RANBP2: variants seen among roughly 807,000 people sequenced by gnomAD.
RANBP2 encodes the protein E3 SUMO-protein ligase RanBP2.
RANBP2 carries 57 observed loss-of-function variants against 303.6 expected under a neutral mutation model. The observed-to-expected ratio is 0.19, with a 90% confidence interval of 0.15 to 0.23. The LOEUF (loss-of-function observed/expected upper bound fraction) is 0.23. Among genes scored for constraint, RANBP2 ranks in the 10% least tolerant of loss-of-function variants. The pLI, the probability that RANBP2 is intolerant of heterozygous loss-of-function variation, is 1.00. For missense variants in RANBP2, 3,138 were observed against 3,780.8 expected (o/e 0.83, Z 4.46); for synonymous variants, 1,167 against 1,301.5 (o/e 0.90, Z 2.23).
At chr2:108,862,839 A>G in the RANBP2 span, among the ~76,000 whole-genome samples, 4 of 152,128 alleles carry the variant, frequency 2.6e-5, no homozygotes, top group Non-Finnish European at 4.4e-5. Context: ...ATACAGTTGC[A>G]TATTTGCAGG....
At chr2:108,770,781 G>T (rs1677444169) in intron 20 of RANBP2, among the ~76,000 whole-genome samples, 3 of 152,134 alleles carry the variant, frequency 2.0e-5, no homozygotes, top group South Asian at 2.1e-4. Context: ...AAAAATTAAT[G>T]ATATTTTACA....
At chr2:109,119,370 A>G in the RANBP2 span, among the ~76,000 whole-genome samples, 3 of 152,198 alleles carry the variant, frequency 2.0e-5, no homozygotes, top group African/African-American at 7.2e-5. Context: ...TATATCTTTC[A>G]TAAAGGATTT....
chr2:109,615,516 A>G, the RANBP2 span: 1 of 1,613,848 alleles, frequency 6.2e-7, no homozygotes, highest in Non-Finnish European at 8.5e-7. Context: ...CGGGGGTTAC[A>G]CCGCCCTGCA....
At chr2:109,667,122 T>C in the RANBP2 span, 5 of 1,189,196 alleles carry the variant, frequency 4.2e-6, no homozygotes, top group Non-Finnish European at 6.1e-6. Flanking sequence ...TTTGTTTTAT[T>C]TTACTTTTCA....
chr2:109,677,476 A>G, the RANBP2 span, among the ~76,000 whole-genome samples: 61 of 152,256 alleles, frequency 4.0e-4, no homozygotes, highest in African/African-American at 1.4e-3. Context: ...CTCTTTGATC[A>G]CTGCTTCCAT....
the RANBP2 span, among the ~76,000 whole-genome samples, chr2:109,458,924 T>G: frequency 2.6e-5 from 4 of 152,230 alleles, no homozygotes; most frequent in Non-Finnish European, 4.4e-5. Context: ...CTAGCCACAC[T>G]GACATAAAAC....
At chr2:108,927,982 C>A in the RANBP2 span, among the ~76,000 whole-genome samples, 2 of 152,178 alleles carry the variant, frequency 1.3e-5, no homozygotes, top group Non-Finnish European at 2.9e-5. Context: ...TTCCTCTCCT[C>A]CACCCCCGGT....
the RANBP2 span, among the ~76,000 whole-genome samples, chr2:109,322,218 TCAC>T: frequency 6.6e-6 from 1 of 152,162 alleles, no homozygotes; most frequent in Non-Finnish European, 1.5e-5. Context: ...CCCCGAATAA[TCAC>T]CACTCCTTCT....
At chr2:109,526,003 C>A in the RANBP2 span, among the ~76,000 whole-genome samples, 1 of 152,140 alleles carries the variant, frequency 6.6e-6, no homozygotes, top group African/African-American at 2.4e-5. Context: ...GTGGTGTCAC[C>A]CAGGTTCTGG....
chr2:108,885,928 A>G, the RANBP2 span, among the ~76,000 whole-genome samples: 1 of 152,360 alleles, frequency 6.6e-6, no homozygotes, highest in Non-Finnish European at 1.5e-5. Flanking sequence ...ATGTTGCTGC[A>G]AATGACATGA....
the RANBP2 span, among the ~76,000 whole-genome samples, chr2:109,318,184 C>G: frequency 8.3e-3 from 1,265 of 151,672 alleles, 15 homozygotes; most frequent in East Asian, 0.044. Context: ...TCAGATTAAG[C>G]AAAACATAAG....
chr2:109,445,490 T>A, the RANBP2 span, among the ~76,000 whole-genome samples: 4 of 152,162 alleles, frequency 2.6e-5, no homozygotes, highest in Non-Finnish European at 5.9e-5. Context: ...AAAGAGCCAG[T>A]GTACACACTA....
chr2:109,564,301 T>C, the RANBP2 span: 2 of 1,364,450 alleles, frequency 1.5e-6, no homozygotes, highest in African/African-American at 2.9e-5. Flanking sequence ...TCATCCTGGA[T>C]ATATAAAAAT....
the RANBP2 span, among the ~76,000 whole-genome samples, chr2:109,345,486 G>A: frequency 4.6e-5 from 7 of 152,122 alleles, no homozygotes; most frequent in Non-Finnish European, 8.8e-5. Flanking sequence ...TTATAACACG[G>A]CTTTTAAGCC....
chr2:109,648,077 G>A, the RANBP2 span, among the ~76,000 whole-genome samples: 20 of 152,334 alleles, frequency 1.3e-4, no homozygotes, highest in South Asian at 3.5e-3. Context: ...CAGAGAGGGT[G>A]CAAGAACTAA....
At chr2:109,508,991 C>T in the RANBP2 span, among the ~76,000 whole-genome samples, 5 of 152,232 alleles carry the variant, frequency 3.3e-5, no homozygotes, top group Non-Finnish European at 7.3e-5. Flanking sequence ...CAAGAATACA[C>T]AACACCAGCA....
At chr2:109,170,720 T>C in the RANBP2 span, among the ~76,000 whole-genome samples, 2 of 152,180 alleles carry the variant, frequency 1.3e-5, no homozygotes, top group Middle Eastern at 3.2e-3. Context: ...TAAATAAATA[T>C]TTGTTGGGCA....
the RANBP2 span, among the ~76,000 whole-genome samples, chr2:109,169,646 A>T: frequency 5.3e-5 from 8 of 152,146 alleles, no homozygotes. Context: ...GGGTTGGGCA[A>T]TGTATTTGAA....
chr2:108,788,556 A>AAAAAATAC (rs1288684319), downstream of RANBP2, among the ~76,000 whole-genome samples: 3 of 150,208 alleles, frequency 2.0e-5, no homozygotes, highest in Non-Finnish European at 4.4e-5. Context: ...TCTCTACTAA[A>AAAAAATAC]AAAAATACAA....
Sources: allele counts gnomAD v4.1 joint callset (sites outside exome capture counted in the v4.1 genomes callset), GRCh38; gene constraint gnomAD v4.1.1; transcripts MANE v1.5; gene names NCBI Gene and HGNC (gene_info 2026-07-23, HGNC 2026-07-21).